The following PTPA variants were observed in gnomAD, a reference collection of about 807,000 sequenced individuals.
PTPA encodes the protein protein phosphatase 2 phosphatase activator, also known as serine/threonine-protein phosphatase 2A activator.
PTPA carries 13 observed loss-of-function variants against 43.6 expected under a neutral mutation model. The observed-to-expected ratio is 0.30, with a 90% CI of 0.19 to 0.47. The LOEUF (loss-of-function observed/expected upper bound fraction) is 0.47. Among genes scored for constraint, PTPA ranks in the 20% least tolerant of loss-of-function variants. The probability of loss-of-function intolerance (pLI) is 0.99; values close to 1 mark genes in which losing one functional copy is unlikely to be tolerated. For synonymous variants in PTPA, 172 were observed against 158.2 expected (o/e 1.09, Z -0.66); for missense variants, 329 against 411.9 (o/e 0.80, Z 1.74).
At chr9:129,134,942 C>T (rs7019373) in intron 6 of PTPA, 48 bp downstream of exon 6, 1,017,884 of 1,507,630 alleles carry the variant, frequency 0.68, 349,269 homozygotes, top group South Asian at 0.7. Context: ...GAGGGGCCAT[C>T]TGTTTCCTCC....
intron 8 of PTPA, among the ~76,000 whole-genome samples, chr9:129,138,716 T>C (rs1850550958): frequency 6.6e-6 from 1 of 152,038 alleles, no homozygotes; most frequent in African/African-American, 2.4e-5. Flanking sequence ...CCCGACGAGG[T>C]GGAGAAAGCT....
chr9:129,128,498 T>G (rs961999729), intron 3 of PTPA, among the ~76,000 whole-genome samples: 1 of 146,832 alleles, frequency 6.8e-6, no homozygotes, highest in African/African-American at 2.6e-5. Context: ...ATTGCACCAC[T>G]GCACTCCAGC....
chr9:129,143,915 G>A (rs1157064741), intron 9 of PTPA, among the ~76,000 whole-genome samples: 1 of 151,528 alleles, frequency 6.6e-6, no homozygotes, highest in African/African-American at 2.4e-5. Context: ...GCTGTGCCCC[G>A]CCTCCAGGGT....
intron 9 of PTPA, 141 bp from the exon 10 acceptor site, chr9:129,147,246 G>T: frequency 1.4e-6 from 1 of 706,190 alleles, no homozygotes; most frequent in Non-Finnish European, 2.4e-6. Flanking sequence ...GAGGAACTGG[G>T]GGAGGAAGGC....
chr9:129,128,013 T>C lies in PTPA; in HGVS notation c.217-972T>C. 4 of 1,347,518 alleles carry C rather than the reference T, an allele frequency of 3.0e-6. No homozygotes were observed. The South Asian group carries it at 4.7e-5, about 16-fold the overall frequency. The allele number at this position is 1,347,518 out of a possible 1,614,324, so 83.5% of individuals were successfully genotyped here. ...AAGGAGCAGGCTGCAAAGCAGAGTG[T>C]GTCCTGCGATGAATGCATACCATTA... On this transcript the variant is annotated intron_variant, in intron 3 of 9. Coordinates refer to ENST00000393370, the MANE Select transcript of PTPA (RefSeq NM_178000.3).
intron 5 of PTPA, among the ~76,000 whole-genome samples, chr9:129,132,603 C>T (rs143824498): frequency 3.9e-5 from 6 of 152,122 alleles, no homozygotes; most frequent in African/African-American, 1.2e-4. Flanking sequence ...TGGGTTCAAG[C>T]GATTATTCTG....
intron 8 of PTPA, chr9:129,141,804 T>C (rs189331633): frequency 6.6e-6 from 1 of 152,388 alleles, no homozygotes; most frequent in East Asian, 1.9e-4. Context: ...CGGCCCTCTC[T>C]TCCCTGCCTG....
intron 3 of PTPA, among the ~76,000 whole-genome samples, chr9:129,128,492 C>T (rs1023692354): frequency 1.3e-4 from 19 of 149,586 alleles, no homozygotes; most frequent in Admixed American, 8.0e-4. Flanking sequence ...GCCGAGATTG[C>T]ACCACTGCAC....
chr9:129,131,776 C>G (rs928359660), intron 5 of PTPA, 137 bp downstream of exon 5: 1 of 859,254 alleles, frequency 1.2e-6, no homozygotes, highest in African/African-American at 1.7e-5. Context: ...TTGGGGCCAG[C>G]TGGGGTTAGG....
intron 1 of PTPA, among the ~76,000 whole-genome samples, chr9:129,114,581 C>T (rs1488126922): frequency 6.6e-6 from 1 of 152,004 alleles, no homozygotes; most frequent in Non-Finnish European, 1.5e-5. Flanking sequence ...TGCTGATTGC[C>T]CTTATCTTTT....
At chr9:129,135,825 G>A (rs1009078741) in intron 6 of PTPA, among the ~76,000 whole-genome samples, 5 of 152,208 alleles carry the variant, frequency 3.3e-5, no homozygotes, top group Admixed American at 6.5e-5. Context: ...AAGAACCTAG[G>A]AGATAACCTG....
At chr9:129,128,936 C>A in intron 3 of PTPA, 49 bp from the exon 4 acceptor site, 1 of 1,604,690 alleles carries the variant, frequency 6.2e-7, no homozygotes, top group South Asian at 1.1e-5. Context: ...TGTGGCTAAG[C>A]GGGAGCCACT....
intron 2 of PTPA, among the ~76,000 whole-genome samples, chr9:129,122,397 C>G (rs1163757333): frequency 6.6e-6 from 1 of 152,232 alleles, no homozygotes; most frequent in Non-Finnish European, 1.5e-5. Context: ...GCCACAATAC[C>G]TGACCCTCAG....
chr9:129,142,322 T>TTGTGTG (rs1173420877), intron 8 of PTPA, 123 bp from the exon 9 acceptor site: 5 of 856,772 alleles, frequency 5.8e-6, no homozygotes, highest in South Asian at 2.0e-5. Flanking sequence ...TGCGCGTGCA[T>TTGTGTG]TGTGTGCGTG....
chr9:129,111,964 G>T, intron 1 of PTPA: 2 of 350,876 alleles, frequency 5.7e-6, no homozygotes, highest in Non-Finnish European at 4.9e-6. Context: ...GTAAGCTGCT[G>T]ACTCGGTGGG....
intron 7 of PTPA, 74 bp downstream of exon 7, chr9:129,136,669 T>C (rs1255203288): frequency 2.0e-6 from 3 of 1,471,562 alleles, no homozygotes; most frequent in Non-Finnish European, 2.7e-6. Flanking sequence ...CTGCCCCTCC[T>C]GCGCTCCCTC....
At chr9:129,114,176 T>G (rs1235723427) in intron 1 of PTPA, among the ~76,000 whole-genome samples, 2 of 152,094 alleles carry the variant, frequency 1.3e-5, no homozygotes, top group African/African-American at 4.8e-5. Context: ...CGCCCACCAC[T>G]GTGCCGGGCT....
intron 9 of PTPA, among the ~76,000 whole-genome samples, chr9:129,143,857 C>T (rs1340800934): frequency 1.3e-5 from 2 of 151,950 alleles, no homozygotes; most frequent in Non-Finnish European, 2.9e-5. Flanking sequence ...GTTCCTGACC[C>T]CACCCCCGCC....
intron 1 of PTPA, chr9:129,119,128 A>AG (rs1849084648): frequency 5.8e-6 from 1 of 173,750 alleles, no homozygotes; most frequent in Non-Finnish European, 1.3e-5. Context: ...CCTCCCAAGT[A>AG]GCTGGGACTA....
Sources: gnomAD v4.1 joint callset for allele counts (sites outside exome capture counted in the v4.1 genomes callset) on GRCh38, gnomAD v4.1.1 for gene constraint, MANE v1.5 for transcripts, NCBI Gene and HGNC (gene_info 2026-07-23, HGNC 2026-07-21) for gene names.